The following PID1 variants were observed in gnomAD, a reference collection of about 807,000 sequenced individuals.
The protein encoded by PID1 is phosphotyrosine interaction domain containing 1, also known as PTB-containing, cubilin and LRP1-interacting protein.
PID1 carries 10 observed loss-of-function variants against 19.1 expected under a neutral mutation model. The observed-to-expected ratio is 0.52, with a 90% CI of 0.32 to 0.89. The LOEUF (loss-of-function observed/expected upper bound fraction) is 0.89. Among genes scored for constraint, PID1 ranks in the 40% least tolerant of loss-of-function variants. The pLI, the probability that PID1 is intolerant of heterozygous loss-of-function variation, is 0.03. For synonymous variants in PID1, 130 were observed against 116.0 expected (o/e 1.12, Z -0.78); for missense variants, 248 against 285.3 (o/e 0.87, Z 0.94).
intron 2 of PID1, among the ~76,000 whole-genome samples, chr2:229,151,121 T>C (rs972954965): frequency 6.6e-6 from 1 of 152,032 alleles, no homozygotes; most frequent in Non-Finnish European, 1.5e-5. Flanking sequence ...ATTTTTTTTT[T>C]AATTTTGTAT....
intron 2 of PID1, among the ~76,000 whole-genome samples, chr2:229,082,339 G>C (rs1031502235): frequency 6.6e-6 from 1 of 152,180 alleles, no homozygotes; most frequent in Non-Finnish European, 1.5e-5. Context: ...TTCTGTGATA[G>C]GCAGAATTCT....
At chr2:229,150,411 C>G (rs756504838) in intron 2 of PID1, among the ~76,000 whole-genome samples, 2 of 152,040 alleles carry the variant, frequency 1.3e-5, no homozygotes, top group African/African-American at 2.4e-5. Context: ...ACCAGCCATA[C>G]GAAAAGGATG....
intron 1 of PID1, among the ~76,000 whole-genome samples, chr2:229,214,675 C>T (rs531566589): frequency 2.0e-5 from 3 of 152,198 alleles, no homozygotes; most frequent in Non-Finnish European, 2.9e-5. Context: ...TAATGAAATA[C>T]AAAAGATTGA....
intron 2 of PID1, among the ~76,000 whole-genome samples, chr2:229,035,757 C>T (rs1286829387): frequency 6.6e-6 from 1 of 152,146 alleles, no homozygotes; most frequent in Non-Finnish European, 1.5e-5. Flanking sequence ...TTTACCTTTT[C>T]TCTGGCCATT....
At position 229,179,993 on chromosome 2, in the gene PID1, C is replaced by CA. The variant is rs547896682; in HGVS notation, c.31-24030dup. ...ACCCAGCACAAGACCAAATCTGCAC[C>CA]AACACAAGAGCCAAGTCAAAGGGAC... On this transcript the variant is annotated intron_variant, in intron 1 of 2. Coordinates refer to ENST00000392055, the MANE Select transcript of PID1 (RefSeq NM_001100818.2). 2.4e-4 allele frequency among the ~76,000 whole-genome samples: 36 copies of CA among 152,278 alleles called. No homozygotes were observed. In the South Asian group the frequency reaches 5.6e-3, roughly 24 times the overall value.
chr2:229,121,934 T>C (rs1695531664), intron 2 of PID1, among the ~76,000 whole-genome samples: 1 of 151,812 alleles, frequency 6.6e-6, no homozygotes, highest in African/African-American at 2.4e-5. Flanking sequence ...AGCAAAGAGA[T>C]TGGGAGTAAT....
chr2:229,144,631 A>T (rs925412435), intron 2 of PID1, among the ~76,000 whole-genome samples: 3 of 152,190 alleles, frequency 2.0e-5, no homozygotes, highest in African/African-American at 7.2e-5. Context: ...GAGTGAGTAT[A>T]GTCATTATTG....
chr2:229,185,606 C>G (rs1691112537), intron 1 of PID1, among the ~76,000 whole-genome samples: 1 of 152,142 alleles, frequency 6.6e-6, no homozygotes, highest in African/African-American at 2.4e-5. Flanking sequence ...GTAAAGAGAG[C>G]TTTGCATCCT....
chr2:229,024,948 A>G lies in PID1; in HGVS notation c.*684T>C, dbSNP rs72973186. On this transcript the variant is annotated 3_prime_UTR_variant, in exon 3 of 3. Transcript: ENST00000392055. ...AGGGTGGACAGGGCAGCAGGAGGGA[A>G]AGGGAAGGGGTCATTAGTAATTGCA... The G allele has an allele frequency of 0.079, 12,124 of 152,780 alleles. 644 individuals are homozygous for G. The highest frequency in any genetic ancestry group is 0.11 in the Non-Finnish European group (7,512 of 68,118). 9.5% of individuals were successfully genotyped at this position (152,780 alleles called of 1,614,324 possible). A position where few individuals can be genotyped will look rare whatever the true frequency, so the allele number is the denominator to read the frequency against.
chr2:229,153,005 G>T (rs190338507), intron 2 of PID1, among the ~76,000 whole-genome samples: 1 of 152,200 alleles, frequency 6.6e-6, no homozygotes, highest in Admixed American at 6.5e-5. Context: ...GCGTGAGCCC[G>T]AGAGAGCGTT....
At chr2:229,071,232 T>C (rs1378961303) in intron 2 of PID1, among the ~76,000 whole-genome samples, 2 of 152,220 alleles carry the variant, frequency 1.3e-5, no homozygotes, top group Non-Finnish European at 2.9e-5. Context: ...CTACACTGAC[T>C]CTGAGAGAAG....
chr2:229,197,258 G>C (rs1026550835), intron 1 of PID1, among the ~76,000 whole-genome samples: 1 of 151,788 alleles, frequency 6.6e-6, no homozygotes, highest in South Asian at 2.1e-4. Flanking sequence ...CCAAATCAAA[G>C]TTCATAACCC....
intron 2 of PID1, among the ~76,000 whole-genome samples, chr2:229,065,721 A>AAAC (rs1182067779): frequency 4.0e-5 from 6 of 150,872 alleles, no homozygotes; most frequent in Non-Finnish European, 7.4e-5. Context: ...ACAAAAAAAA[A>AAAC]AAAAAAAAAA....
chr2:229,080,908 C>T (rs1694656482), intron 2 of PID1, among the ~76,000 whole-genome samples: 2 of 152,316 alleles, frequency 1.3e-5, no homozygotes, highest in East Asian at 3.9e-4. Context: ...GCCATCTCAA[C>T]CTTAAACAAA....
chr2:229,153,344 G>C (rs963365091), intron 2 of PID1, among the ~76,000 whole-genome samples: 14 of 152,304 alleles, frequency 9.2e-5, no homozygotes, highest in Non-Finnish European at 1.5e-4. Context: ...AAGAGGTGTT[G>C]GCCCAGATTC....
intron 2 of PID1, among the ~76,000 whole-genome samples, chr2:229,054,721 G>C (rs10167923): frequency 3.4e-5 from 1 of 29,148 alleles, no homozygotes; most frequent in Non-Finnish European, 6.5e-5. Context: ...TGTGTGTGTG[G>C]GGGGGGGGGG....
intron 1 of PID1, among the ~76,000 whole-genome samples, chr2:229,188,014 C>T (rs909238327): frequency 1.8e-4 from 28 of 152,210 alleles, no homozygotes; most frequent in African/African-American, 6.5e-4. Context: ...ACATTCTTAT[C>T]CCTACTTATT....
intron 1 of PID1, among the ~76,000 whole-genome samples, chr2:229,268,799 A>C (rs562588680): frequency 1.3e-5 from 2 of 152,248 alleles, no homozygotes; most frequent in African/African-American, 4.8e-5. Flanking sequence ...TCGGACAGGC[A>C]TGTTTCTATA....
intron 1 of PID1, among the ~76,000 whole-genome samples, chr2:229,178,909 A>C (rs1396127455): frequency 6.6e-6 from 1 of 152,054 alleles, no homozygotes; most frequent in Non-Finnish European, 1.5e-5. Context: ...ACACATGGAG[A>C]CCATGTGAAG....
Sources: gnomAD v4.1 joint callset for allele counts (sites outside exome capture counted in the v4.1 genomes callset) on GRCh38, gnomAD v4.1.1 for gene constraint, MANE v1.5 for transcripts, NCBI Gene and HGNC (gene_info 2026-07-23, HGNC 2026-07-21) for gene names.